TXLNB: variants seen among roughly 807,000 people sequenced by gnomAD.
TXLNB encodes beta-taxilin.
In TXLNB, 37 loss-of-function variants were observed where a neutral mutation model predicts 57.4. The ratio of observed to expected loss-of-function variants is 0.64; its 90% CI spans 0.50 to 0.85. The LOEUF (loss-of-function observed/expected upper bound fraction) is 0.85, where lower values mean the gene tolerates loss of function less well. TXLNB is among the 40% of genes least tolerant of loss of function. The pLI, the probability that TXLNB is intolerant of heterozygous loss-of-function variation, is 0.00. For missense variants in TXLNB, 848 were observed against 825.6 expected (o/e 1.03, Z -0.33); for synonymous variants, 302 against 309.6 (o/e 0.98, Z 0.26).
At chr6:139,216,602 G>A in the TXLNB span, among the ~76,000 whole-genome samples, 2 of 151,978 alleles carry the variant, frequency 1.3e-5, no homozygotes, top group African/African-American at 4.8e-5. Context: ...TTGTGCACAT[G>A]TATCCTAAAA....
chr6:139,205,342 G>T, the TXLNB span, among the ~76,000 whole-genome samples: 55 of 152,228 alleles, frequency 3.6e-4, no homozygotes, highest in African/African-American at 1.3e-3. Context: ...GGCCAGGCTG[G>T]TCTCAAACTC....
intron 7 of TXLNB, among the ~76,000 whole-genome samples, chr6:139,252,856 T>C (rs1156933478): frequency 2.0e-5 from 3 of 152,090 alleles, no homozygotes; most frequent in Non-Finnish European, 4.4e-5. Flanking sequence ...CCGGGTGTGG[T>C]GGCAGGTGCC....
the TXLNB span, among the ~76,000 whole-genome samples, chr6:139,169,060 T>C: frequency 6.6e-6 from 1 of 152,230 alleles, no homozygotes; most frequent in Non-Finnish European, 1.5e-5. Flanking sequence ...CAGTTTCCTC[T>C]ATTTGTCGTG....
At chr6:139,318,969 G>GTCTTGC in the TXLNB span, among the ~76,000 whole-genome samples, 8 of 130,402 alleles carry the variant, frequency 6.1e-5, no homozygotes, top group African/African-American at 2.5e-4. Context: ...TTGAGATGGA[G>GTCTTGC]TCTTGCTCTG....
the TXLNB span, among the ~76,000 whole-genome samples, chr6:139,194,467 C>T: frequency 6.6e-6 from 1 of 152,240 alleles, no homozygotes; most frequent in Non-Finnish European, 1.5e-5. Context: ...CAATTACTGA[C>T]AAGTCCAATT....
the TXLNB span, among the ~76,000 whole-genome samples, chr6:139,190,612 G>A: frequency 6.6e-6 from 1 of 151,844 alleles, no homozygotes; most frequent in Non-Finnish European, 1.5e-5. Context: ...CCTGGCCAAG[G>A]GCCTGTTTCT....
the TXLNB span, among the ~76,000 whole-genome samples, chr6:139,299,133 T>C: frequency 6.6e-6 from 1 of 152,090 alleles, no homozygotes; most frequent in East Asian, 1.9e-4. Flanking sequence ...ACTAAGACAA[T>C]CTGTGTTGCC....
intron 4 of TXLNB, among the ~76,000 whole-genome samples, chr6:139,268,408 A>G (rs1307007161): frequency 6.6e-6 from 1 of 152,212 alleles, no homozygotes; most frequent in Non-Finnish European, 1.5e-5. Context: ...ATTGTTACTT[A>G]TAGAACACTA....
At chr6:139,314,339 GCTTGT>G in the TXLNB span, among the ~76,000 whole-genome samples, 4 of 152,290 alleles carry the variant, frequency 2.6e-5, no homozygotes, top group African/African-American at 9.6e-5. Context: ...ACAACGCCCT[GCTTGT>G]CTTAACTACA....
chr6:139,222,844 A>T, the TXLNB span, among the ~76,000 whole-genome samples: 1 of 152,090 alleles, frequency 6.6e-6, no homozygotes, highest in Non-Finnish European at 1.5e-5. Context: ...CAAAAACTAC[A>T]CTGATAGTAA....
chr6:139,285,285 C>T (rs1777145603), intron 2 of TXLNB, among the ~76,000 whole-genome samples: 1 of 142,514 alleles, frequency 7.0e-6, no homozygotes, highest in Admixed American at 6.9e-5. Flanking sequence ...CACACACACA[C>T]ACACACACAC....
At chr6:139,214,948 A>C in the TXLNB span, among the ~76,000 whole-genome samples, 8 of 152,118 alleles carry the variant, frequency 5.3e-5, no homozygotes, top group South Asian at 2.1e-4. Flanking sequence ...TCAAGGAGAA[A>C]TACAAACCAC....
chr6:139,238,509 A>G (rs1775861646), downstream of TXLNB, among the ~76,000 whole-genome samples: 1 of 152,256 alleles, frequency 6.6e-6, no homozygotes, highest in African/African-American at 2.4e-5. Flanking sequence ...GTGCATTCAC[A>G]CGCACATGTG....
the TXLNB span, among the ~76,000 whole-genome samples, chr6:139,171,809 C>G: frequency 1.3e-5 from 2 of 151,158 alleles, no homozygotes; most frequent in Non-Finnish European, 1.5e-5. Flanking sequence ...TTTGTTTAAA[C>G]TTGTTGTTGT....
the TXLNB span, among the ~76,000 whole-genome samples, chr6:139,184,925 C>G: frequency 6.6e-6 from 1 of 152,092 alleles, no homozygotes; most frequent in African/African-American, 2.4e-5. Context: ...AGGGGCTGTC[C>G]CTTGCTAATT....
At chr6:139,292,078 A>ACG (rs71901269), upstream of TXLNB, 105 of 148,452 alleles carry the variant, frequency 7.1e-4, no homozygotes, top group Admixed American at 1.6e-3. The surrounding 1 kb of genome is among the most constrained non-coding windows in gnomAD (Gnocchi z 4.0). Flanking sequence ...ACGTGCACGC[A>ACG]CGCGCGCGCA....
chr6:139,196,236 A>T, the TXLNB span, among the ~76,000 whole-genome samples: 1 of 152,174 alleles, frequency 6.6e-6, no homozygotes, highest in Non-Finnish European at 1.5e-5. Context: ...TCCAGCAACT[A>T]AGAGTGTTTG....
At chr6:139,230,547 A>G in the TXLNB span, among the ~76,000 whole-genome samples, 1 of 152,208 alleles carries the variant, frequency 6.6e-6, no homozygotes, top group Admixed American at 6.5e-5. Context: ...GGCCAGAATC[A>G]ATTTAGCCTG....
chr6:139,194,992 A>T, the TXLNB span, among the ~76,000 whole-genome samples: 2,108 of 152,356 alleles, frequency 0.014, 45 homozygotes, highest in African/African-American at 0.047. Flanking sequence ...ATTATCTTAC[A>T]GTTCTGTAGT....
Sources: allele counts gnomAD v4.1 joint callset (sites outside exome capture counted in the v4.1 genomes callset), GRCh38; gene constraint gnomAD v4.1.1; non-coding constraint Gnocchi (gnomAD v3.1); transcripts MANE v1.5; gene names NCBI Gene and HGNC (gene_info 2026-07-23, HGNC 2026-07-21).